Variants in SHANK2 observed in about 807,000 individuals in gnomAD.
SHANK2 encodes the protein SH3 and multiple ankyrin repeat domains protein 2.
SHANK2 carries 43 observed loss-of-function variants against 133.7 expected under a neutral mutation model. That is an observed-to-expected ratio of 0.32 (90% CI 0.25 to 0.41). The LOEUF is 0.41. Among genes scored for constraint, SHANK2 ranks in the 10% least tolerant of loss-of-function variants. The probability of loss-of-function intolerance (pLI) is 1.00; values close to 1 mark genes in which losing one functional copy is unlikely to be tolerated. For missense variants in SHANK2, 1,994 were observed against 2,235.8 expected (o/e 0.89, Z 2.18); for synonymous variants, 1,017 against 952.8 (o/e 1.07, Z -1.24).
intron 9 of SHANK2, among the ~76,000 whole-genome samples, chr11:71,063,044 G>C (rs1951007161): frequency 6.8e-6 from 1 of 146,970 alleles, no homozygotes; most frequent in Non-Finnish European, 1.5e-5. Flanking sequence ...GAAAGAGAAA[G>C]AGAGAGAAAG....
chr11:70,703,943 T>G (rs1945602182), intron 14 of SHANK2, among the ~76,000 whole-genome samples: 1 of 152,234 alleles, frequency 6.6e-6, no homozygotes, highest in South Asian at 2.1e-4. Flanking sequence ...GCAGTTCCCA[T>G]GGGAGCCTGG....
intron 17 of SHANK2, chr11:70,631,689 A>G: frequency 6.6e-6 from 1 of 152,548 alleles, no homozygotes; most frequent in Non-Finnish European, 1.5e-5. Flanking sequence ...CTGCATGACA[A>G]GCTGGGGTTA....
chr11:71,113,548 T>C (rs1192416111), intron 4 of SHANK2, among the ~76,000 whole-genome samples, 184 bp from the exon 5 acceptor site: 1 of 152,184 alleles, frequency 6.6e-6, no homozygotes, highest in Admixed American at 6.5e-5. Context: ...GCATCACTTT[T>C]GTCAAGATTC....
At chr11:71,171,786 C>A (rs1209987065) in intron 2 of SHANK2, among the ~76,000 whole-genome samples, 2 of 152,234 alleles carry the variant, frequency 1.3e-5, no homozygotes, top group African/African-American at 4.8e-5. Context: ...CAAAGATCAC[C>A]CCTCAGGGCA....
chr11:70,724,482 A>G (rs1316159052), intron 14 of SHANK2, among the ~76,000 whole-genome samples: 1 of 152,186 alleles, frequency 6.6e-6, no homozygotes, highest in African/African-American at 2.4e-5. Context: ...AGAGGACTCC[A>G]TGTCACTAAG....
At chr11:70,684,684 T>C (rs925670824) in intron 15 of SHANK2, among the ~76,000 whole-genome samples, 1 of 151,710 alleles carries the variant, frequency 6.6e-6, no homozygotes. Context: ...TGGGAGCAGG[T>C]AAACCCTTGG....
intron 2 of SHANK2, among the ~76,000 whole-genome samples, chr11:71,154,807 G>A (rs1273404761): frequency 7.9e-6 from 1 of 126,906 alleles, no homozygotes; most frequent in Non-Finnish European, 1.7e-5. Flanking sequence ...GCTCCCAGAA[G>A]AGGGATGGAC....
chr11:70,781,744 C>T (rs1330284321), intron 14 of SHANK2, among the ~76,000 whole-genome samples: 1 of 81,190 alleles, frequency 1.2e-5, no homozygotes, highest in Non-Finnish European at 2.2e-5. Flanking sequence ...CTCCCCCCAC[C>T]CCACAACAGG....
intron 10 of SHANK2, among the ~76,000 whole-genome samples, chr11:70,942,387 T>TATGGGAACAAACCCATTCCC (rs1950660416): frequency 6.6e-6 from 1 of 152,230 alleles, no homozygotes; most frequent in East Asian, 1.9e-4. Context: ...AAGCCATTCT[T>TATGGGAACAAACCCATTCCC]ATGGGAACAA....
rs768086421 is a variant in SHANK2, at chr11:70,470,438, AG to A, written c.*2430del. On this transcript the variant is annotated 3_prime_UTR_variant, in exon 26 of 26. Coordinates refer to ENST00000601538, the MANE Select transcript of SHANK2 (RefSeq NM_012309.5). ...GAGTTTCGACTGGTTATCGTCTGCC[AG>A]CGGTTTCCTTGACTCTCCTTTGAGC... is the stretch of plus-strand genomic sequence containing the variant. The A allele has an allele frequency of 3.3e-5, 5 of 152,460 alleles. No homozygotes were observed. The highest frequency in any genetic ancestry group is 5.9e-5 in the Non-Finnish European group (4 of 68,038). The allele number at this position is 152,460 out of a possible 1,614,324, so 9.4% of individuals were successfully genotyped here. A position where few individuals can be genotyped will look rare whatever the true frequency, so the allele number is the denominator to read the frequency against.
chr11:70,599,382 C>A (rs11561010), intron 17 of SHANK2, among the ~76,000 whole-genome samples: 1 of 146,548 alleles, frequency 6.8e-6, no homozygotes, highest in Non-Finnish European at 1.5e-5. Context: ...CCGAGGCGGG[C>A]GGATCATGAG....
intron 17 of SHANK2, among the ~76,000 whole-genome samples, chr11:70,560,909 G>T (rs2059901974): frequency 6.6e-6 from 1 of 152,252 alleles, no homozygotes; most frequent in South Asian, 2.1e-4. Flanking sequence ...TTACAGGCGT[G>T]AGCCACGGTG....
At chr11:70,940,406 C>A (rs938460283) in intron 10 of SHANK2, among the ~76,000 whole-genome samples, 1 of 151,714 alleles carries the variant, frequency 6.6e-6, no homozygotes. Flanking sequence ...GCCACCACGC[C>A]CAGCTAATTA....
At chr11:70,731,507 C>A (rs1039301450) in intron 14 of SHANK2, among the ~76,000 whole-genome samples, 1 of 152,226 alleles carries the variant, frequency 6.6e-6, no homozygotes, top group Non-Finnish European at 1.5e-5. Context: ...ACACAGTACA[C>A]AATGTGTGGC....
At chr11:70,833,724 C>T (rs1354881495) in intron 11 of SHANK2, among the ~76,000 whole-genome samples, 1 of 152,240 alleles carries the variant, frequency 6.6e-6, no homozygotes, top group African/African-American at 2.4e-5. Context: ...CCATCACGAC[C>T]ACGACTGAAG....
Position 70,820,522 on chromosome 11 carries a change from C to T in SHANK2, c.1335G>A (p.Leu445=). 1 of 717,102 alleles carries T rather than the reference C, an allele frequency of 1.4e-6. No individual in the cohort carries two copies. Among genetic ancestry groups the T allele is most frequent in the Admixed American group, 2.0e-5 (1 of 50,002 alleles). 44.4% of individuals were successfully genotyped at this position (717,102 alleles called of 1,614,324 possible). A position where few individuals can be genotyped will look rare whatever the true frequency, so the allele number is the denominator to read the frequency against. The change falls in exon 12 of 26, where the codon CTG becomes CTA. Residue 445 remains leucine (L), a synonymous_variant. Transcript: ENST00000601538. ...VCSTATSHRS[L]SPQLLQQMPS... is the part of the protein sequence containing the mutation. The stretch of plus-strand genomic sequence containing the variant: ...GCATCTGCTGCAGCAGCTGGGGTGA[C>T]AGGCTGCGGTGCGAGGTGGCCGTGG...
Position 70,485,386 on chromosome 11 carries a change from C to T in SHANK2, c.4907G>A (p.Arg1636Gln), listed in dbSNP as rs782628638. 9.3e-6 allele frequency: 15 copies of T among 1,614,068 alleles called. No homozygotes were observed. The highest frequency in any genetic ancestry group is 1.1e-5 in the South Asian group (1 of 91,078). ...TTCCCCCGGCTTTGCCAATTTCTCT[C>T]GGTTCATTTGCTGTAGGATAGAGTT... The part of the protein sequence containing the change: ...ELNSILQQMN[R>Q]EKLAKPGEGL... The change falls in exon 25 of 26, where the codon CGA becomes CAA. Residue 1636 changes from arginine to glutamine, a missense_variant. By Grantham distance (43) the Arg-to-Gln change is conservative. Around this residue, in one of 5 missense-constraint regions of SHANK2, gnomAD observed 797 missense variants for 907.4 expected, o/e 0.88. Coordinates refer to ENST00000601538, the MANE Select transcript of SHANK2 (RefSeq NM_012309.5). The surrounding 1 kb of genome is among the most constrained non-coding windows in gnomAD (Gnocchi z 5.8).
chr11:70,623,912 C>T (rs2060868032), intron 17 of SHANK2, among the ~76,000 whole-genome samples: 1 of 152,196 alleles, frequency 6.6e-6, no homozygotes, highest in Non-Finnish European at 1.5e-5. Context: ...CCCTCCCAGG[C>T]CAGGGCAGGG....
At position 71,123,276 on chromosome 11, in the gene SHANK2, AT is replaced by A. The variant is rs1230771916; in HGVS notation, c.208-4245del. On this transcript the variant is annotated intron_variant, in intron 3 of 25. Coordinates refer to ENST00000601538, the MANE Select transcript of SHANK2 (RefSeq NM_012309.5). The stretch of plus-strand genomic sequence containing the variant: ...GATGTGGGAGCCACAAAGACAATAA[AT>A]AAGAAGCAAACCAGCCTGAGGTCAC... Among the ~76,000 whole-genome samples the A allele has an allele frequency of 4.1e-4, 62 of 152,336 alleles. 1 individual carries two copies. The highest frequency in any genetic ancestry group is 1.4e-3 in the African/African-American group (57 of 41,590).
Sources: gnomAD v4.1 joint callset for allele counts (sites outside exome capture counted in the v4.1 genomes callset) on GRCh38, gnomAD v4.1.1 for gene constraint, gnomAD v4.1.1 regional missense constraint, Gnocchi (gnomAD v3.1) non-coding constraint, MANE v1.5 for transcripts, NCBI Gene and HGNC (gene_info 2026-07-23, HGNC 2026-07-21) for gene names.